ANXA3: variants seen among roughly 807,000 people sequenced by gnomAD.
The protein encoded by ANXA3 is 35-alpha calcimedin.
In ANXA3, 46 loss-of-function variants were observed where a neutral mutation model predicts 48.8. The observed-to-expected ratio is 0.94, with a 90% CI of 0.74 to 1.21. The LOEUF is 1.21. Among genes scored for constraint, ANXA3 ranks in the 50% most tolerant of loss-of-function variants. ANXA3 has a pLI of 0.00. For missense variants in ANXA3, 383 were observed against 378.6 expected, an observed-to-expected ratio of 1.01 and a Z score of -0.10; for synonymous variants, 128 against 134.7, an observed-to-expected ratio of 0.95 and a Z score of 0.35.
intron 4 of ANXA3, among the ~76,000 whole-genome samples, 169 bp from the exon 5 acceptor site, chr4:78,582,008 A>G (rs113347742): frequency 2.0e-5 from 3 of 152,374 alleles, no homozygotes; most frequent in African/African-American, 7.2e-5. Flanking sequence ...GGGAGTAATT[A>G]GAAAATGCAG....
chr4:78,587,158 T>C (rs539439399), intron 6 of ANXA3, among the ~76,000 whole-genome samples: 2 of 152,350 alleles, frequency 1.3e-5, no homozygotes, highest in South Asian at 4.1e-4. Context: ...ACCATTGATA[T>C]ATCATTACCA....
At chr4:78,606,339 G>A (rs1207793816) in intron 12 of ANXA3, among the ~76,000 whole-genome samples, 1 of 152,182 alleles carries the variant, frequency 6.6e-6, no homozygotes, top group East Asian at 1.9e-4. Context: ...AGTGCTGAGG[G>A]TCTAAAACTG....
At chr4:78,590,412 A>G (rs944869583) in intron 6 of ANXA3, among the ~76,000 whole-genome samples, 2 of 152,202 alleles carry the variant, frequency 1.3e-5, no homozygotes, top group African/African-American at 4.8e-5. Flanking sequence ...AGTTCTTGCT[A>G]TTGGATAATC....
At chr4:78,563,368 C>T (rs1426332480) in intron 2 of ANXA3, among the ~76,000 whole-genome samples, 2 of 152,180 alleles carry the variant, frequency 1.3e-5, no homozygotes, top group South Asian at 2.1e-4. Flanking sequence ...GTGCTGTGGT[C>T]TAAATGTCTG....
intron 6 of ANXA3, among the ~76,000 whole-genome samples, chr4:78,588,715 G>A (rs1050505672): frequency 2.6e-5 from 4 of 152,144 alleles, no homozygotes; most frequent in African/African-American, 9.7e-5. Flanking sequence ...GGGGTGAACA[G>A]CCTTCCCTGG....
At chr4:78,555,852 T>TA (rs58427168) in intron 2 of ANXA3, among the ~76,000 whole-genome samples, 97,218 of 145,400 alleles carry the variant, frequency 0.67, 34,569 homozygotes, top group East Asian at 0.88. Context: ...CCCTATCTAT[T>TA]AAAAAAAAAA....
intron 2 of ANXA3, among the ~76,000 whole-genome samples, chr4:78,572,637 G>C (rs920218129): frequency 1.3e-5 from 2 of 152,128 alleles, no homozygotes; most frequent in East Asian, 3.8e-4. Flanking sequence ...TGCTGGTCTG[G>C]GTGGGGCTGT....
intron 5 of ANXA3, among the ~76,000 whole-genome samples, chr4:78,583,465 T>A (rs913902592): frequency 6.7e-6 from 1 of 150,334 alleles, no homozygotes; most frequent in Non-Finnish European, 1.5e-5. Flanking sequence ...CTACAAAAAA[T>A]TTTTAAAAAT....
chr4:78,608,436 GT>G lies in ANXA3; in HGVS notation c.913-1617del, dbSNP rs533641601. Among the ~76,000 whole-genome samples, 168 of 152,274 alleles carry G rather than the reference GT, an allele frequency of 1.1e-3. No homozygotes were observed. In the Middle Eastern group the frequency reaches 0.02, roughly 18 times the overall value. ...GATCATGCAGGACCTTTTTGGCAAT[GT>G]TTAAGGAATTTTGGCTTTAGCTTAA... On this transcript the variant is annotated intron_variant, in intron 12 of 12. Transcript: ENST00000264908.
At chr4:78,566,613 G>GA (rs1722736878) in intron 2 of ANXA3, among the ~76,000 whole-genome samples, 2 of 151,158 alleles carry the variant, frequency 1.3e-5, no homozygotes, top group South Asian at 2.1e-4. Context: ...GCTAAACAAT[G>GA]GGTACACATT....
At chr4:78,601,881 T>C (rs1723549569) in intron 11 of ANXA3, 2 of 202,028 alleles carry the variant, frequency 9.9e-6, no homozygotes, top group Admixed American at 5.9e-5. Flanking sequence ...AATATTCCAC[T>C]TGTATGAAAG....
At chr4:78,597,017 T>A (rs1723436005) in intron 9 of ANXA3, 1 of 217,268 alleles carries the variant, frequency 4.6e-6, no homozygotes, top group Admixed American at 6.1e-5. Context: ...CCCAACTTAC[T>A]GGATAAATTA....
chr4:78,606,373 AC>A, intron 12 of ANXA3, among the ~76,000 whole-genome samples: 1 of 151,934 alleles, frequency 6.6e-6, no homozygotes, highest in East Asian at 1.9e-4. Context: ...TGCTGATTAG[AC>A]CCCCTAAGCT....
At chr4:78,559,021 T>C (rs1181709362) in intron 2 of ANXA3, among the ~76,000 whole-genome samples, 4 of 152,222 alleles carry the variant, frequency 2.6e-5, no homozygotes, top group African/African-American at 9.6e-5. Context: ...ATAAATGTAA[T>C]TCCTATTAGT....
chr4:78,582,862 G>A (rs748738096), intron 5 of ANXA3, among the ~76,000 whole-genome samples: 3 of 152,092 alleles, frequency 2.0e-5, no homozygotes, highest in Non-Finnish European at 4.4e-5. Flanking sequence ...ATCAGATTAT[G>A]CTACTTACCT....
At chr4:78,557,712 G>A (rs1309367909) in intron 2 of ANXA3, among the ~76,000 whole-genome samples, 1 of 124,124 alleles carries the variant, frequency 8.1e-6, no homozygotes, top group Non-Finnish European at 1.7e-5. Context: ...TTTTTTTCCT[G>A]TTTACCTCCT....
chr4:78,584,865 C>G (rs1448611682), intron 5 of ANXA3, among the ~76,000 whole-genome samples: 1 of 152,170 alleles, frequency 6.6e-6, no homozygotes, highest in East Asian at 1.9e-4. Context: ...TGGCCTGACC[C>G]CTATGAGAGG....
At chr4:78,601,689 A>G in intron 11 of ANXA3, 121 bp downstream of exon 11, 1 of 815,136 alleles carries the variant, frequency 1.2e-6, no homozygotes, top group South Asian at 1.8e-5. Context: ...ATTTTAAGAT[A>G]AATTATATTA....
At chr4:78,569,632 A>T (rs1293989569) in intron 2 of ANXA3, among the ~76,000 whole-genome samples, 1 of 152,244 alleles carries the variant, frequency 6.6e-6, no homozygotes, top group East Asian at 1.9e-4. Context: ...TAAATCGCAG[A>T]TTCTGCATCC....
Sources: gnomAD v4.1 joint callset for allele counts (sites outside exome capture counted in the v4.1 genomes callset) on GRCh38, gnomAD v4.1.1 for gene constraint, MANE v1.5 for transcripts, NCBI Gene and HGNC (gene_info 2026-07-23, HGNC 2026-07-21) for gene names.